RASSF6: variants seen among roughly 807,000 people sequenced by gnomAD.
RASSF6 encodes the protein ras association domain-containing protein 6.
Under a neutral mutation model 44.0 loss-of-function variants are expected in RASSF6, and 52 were observed. That is an observed-to-expected ratio of 1.18 (90% confidence interval 0.95 to 1.49). The LOEUF (loss-of-function observed/expected upper bound fraction) is 1.49, where lower values mean the gene tolerates loss of function less well. RASSF6 is among the 40% of genes most tolerant of loss of function. RASSF6 has a pLI of 0.00. For synonymous variants in RASSF6, 162 were observed against 124.6 expected, an observed-to-expected ratio of 1.30 and a Z score of -2.00; for missense variants, 464 against 393.3, an observed-to-expected ratio of 1.18 and a Z score of -1.52.
chr4:73,578,801 G>A (rs1228112644), intron 8 of RASSF6, among the ~76,000 whole-genome samples: 2 of 151,912 alleles, frequency 1.3e-5, no homozygotes, highest in Non-Finnish European at 2.9e-5. Context: ...TAGTAAAGAC[G>A]GGGTTTCACC....
At chr4:73,582,102 T>C (rs1004572427) in intron 7 of RASSF6, 87 bp downstream of exon 7, 5 of 723,500 alleles carry the variant, frequency 6.9e-6, no homozygotes, top group South Asian at 2.1e-5. Flanking sequence ...TACACCTTTA[T>C]AGATCTGTTT....
chr4:73,580,472 A>T (rs913379219), intron 8 of RASSF6, among the ~76,000 whole-genome samples: 1 of 151,450 alleles, frequency 6.6e-6, no homozygotes, highest in Non-Finnish European at 1.5e-5. Context: ...TGGTTGAACT[A>T]GTTTACAGTC....
At chr4:73,602,589 C>T (rs900216344) in intron 2 of RASSF6, among the ~76,000 whole-genome samples, 6 of 3,646 alleles carry the variant, frequency 1.6e-3, no homozygotes, top group Non-Finnish European at 7.2e-3. Context: ...TTAGGGTCCA[C>T]CTGTTACATG....
At chr4:73,617,030 T>C (rs1168974566) in intron 1 of RASSF6, among the ~76,000 whole-genome samples, 2 of 152,228 alleles carry the variant, frequency 1.3e-5, no homozygotes, top group Non-Finnish European at 2.9e-5. Flanking sequence ...GGCTCCATAC[T>C]TTTTCTTAAA....
Position 73,603,266 on chromosome 4 carries a change from G to A in RASSF6, c.66-4548C>T, listed in dbSNP as rs180878170. Among the ~76,000 whole-genome samples, 29 of 152,234 alleles carry A rather than the reference G, an allele frequency of 1.9e-4. No homozygotes were observed. The East Asian group carries it at 5.2e-3, about 27-fold the overall frequency. ...CATCATCAAACACTATATAAGGATG[G>A]TGTTTTCACTAAACTGAAGAAAACC... On this transcript the variant is annotated intron_variant, in intron 2 of 10. Transcript: ENST00000307439.
At chr4:73,593,307 T>A (rs1724705093) in intron 4 of RASSF6, 144 bp downstream of exon 4, 1 of 806,300 alleles carries the variant, frequency 1.2e-6, no homozygotes, top group South Asian at 2.1e-5. Context: ...TGAGCCACCG[T>A]GCCCGGCCAT....
At chr4:73,576,545 A>G (rs1723238866) in intron 9 of RASSF6, 38 bp from the exon 10 acceptor site, 1 of 1,555,694 alleles carries the variant, frequency 6.4e-7, no homozygotes, top group South Asian at 1.2e-5. Context: ...AGAAAGCAGA[A>G]CAATTATGCA....
intron 1 of RASSF6, among the ~76,000 whole-genome samples, chr4:73,619,763 T>C (rs569199958): frequency 6.6e-6 from 1 of 152,166 alleles, no homozygotes; most frequent in South Asian, 2.1e-4. Context: ...TATTTCATTG[T>C]TTGGTGAGCG....
At chr4:73,614,447 C>T (rs1726217209) in intron 1 of RASSF6, among the ~76,000 whole-genome samples, 1 of 152,198 alleles carries the variant, frequency 6.6e-6, no homozygotes, top group Non-Finnish European at 1.5e-5. Flanking sequence ...GCTGCCTGGA[C>T]CCTTCCACCA....
intron 1 of RASSF6, among the ~76,000 whole-genome samples, chr4:73,616,991 AAC>A (rs1425577956): frequency 6.6e-5 from 10 of 152,216 alleles, no homozygotes; most frequent in Non-Finnish European, 2.9e-5. Flanking sequence ...GAAAAGAGTT[AAC>A]AGAGTGATGG....
intron 4 of RASSF6, 62 bp downstream of exon 4, chr4:73,593,389 C>A: frequency 6.9e-7 from 1 of 1,454,122 alleles, no homozygotes; most frequent in South Asian, 1.3e-5. Context: ...TAAGAGTGCA[C>A]GCAATAAAAC....
At chr4:73,590,003 C>A (rs138163828) in intron 4 of RASSF6, among the ~76,000 whole-genome samples, 1 of 152,056 alleles carries the variant, frequency 6.6e-6, no homozygotes, top group Non-Finnish European at 1.5e-5. Flanking sequence ...CCAAAATATG[C>A]AAAAGCTGAG....
At chr4:73,596,569 C>A (rs1467627494) in intron 3 of RASSF6, among the ~76,000 whole-genome samples, 1 of 152,140 alleles carries the variant, frequency 6.6e-6, no homozygotes, top group Non-Finnish European at 1.5e-5. Flanking sequence ...TTTGTAGATT[C>A]AATGCTATTC....
chr4:73,593,312 G>A (rs756845109), intron 4 of RASSF6, 139 bp downstream of exon 4: 15 of 856,058 alleles, frequency 1.8e-5, no homozygotes, highest in East Asian at 1.2e-4. Flanking sequence ...CACCGTGCCC[G>A]GCCATTGCTG....
intron 2 of RASSF6, among the ~76,000 whole-genome samples, chr4:73,605,203 T>C (rs1293357081): frequency 2.0e-5 from 3 of 152,198 alleles, no homozygotes; most frequent in African/African-American, 4.8e-5. Context: ...AAATTCTATA[T>C]AAGAAACGTG....
intron 6 of RASSF6, among the ~76,000 whole-genome samples, chr4:73,584,374 C>T (rs1056251930): frequency 1.3e-5 from 2 of 152,026 alleles, no homozygotes; most frequent in African/African-American, 4.8e-5. Context: ...TAAAGTACAT[C>T]ACATGAAAAA....
chr4:73,584,447 C>T (rs955266369), intron 6 of RASSF6, among the ~76,000 whole-genome samples: 2 of 152,088 alleles, frequency 1.3e-5, no homozygotes, highest in Non-Finnish European at 2.9e-5. Context: ...TAATGTCTTA[C>T]AAGCACTATG....
chr4:73,598,773 G>T, intron 2 of RASSF6, 55 bp from the exon 3 acceptor site: 1 of 725,082 alleles, frequency 1.4e-6, no homozygotes, highest in Non-Finnish European at 2.2e-6. Flanking sequence ...AACGTAAAAG[G>T]TGATAATGGT....
At chr4:73,620,468 C>A, upstream of RASSF6, 1 of 1,546,710 alleles carries the variant, frequency 6.5e-7, no homozygotes, top group East Asian at 2.5e-5. Context: ...CCCGCGCGGG[C>A]GCAGGGGCGG....
Sources: allele counts gnomAD v4.1 joint callset (sites outside exome capture counted in the v4.1 genomes callset), GRCh38; gene constraint gnomAD v4.1.1; transcripts MANE v1.5; gene names NCBI Gene and HGNC (gene_info 2026-07-23, HGNC 2026-07-21).